MIB1: variants seen among roughly 807,000 people sequenced by gnomAD.
MIB1 encodes MIB E3 ubiquitin protein ligase 1.
A neutral mutation model predicts 124.5 loss-of-function variants in MIB1; 278 were observed. The ratio of observed to expected loss-of-function variants is 2.23; its 90% confidence interval spans 2.02 to 2.47. The LOEUF (loss-of-function observed/expected upper bound fraction) is 2.47. Ranked by LOEUF, MIB1 falls within the 30% of genes most tolerant of loss-of-function variation. The pLI, the probability that MIB1 is intolerant of heterozygous loss-of-function variation, is 0.00. For missense variants in MIB1, 957 were observed against 1,254.4 expected, an observed-to-expected ratio of 0.76 and a Z score of 3.58; for synonymous variants, 446 against 429.4, an observed-to-expected ratio of 1.04 and a Z score of -0.48.
chr18:21,739,934 A>C (rs865947782), upstream of MIB1, among the ~76,000 whole-genome samples: 4 of 150,528 alleles, frequency 2.7e-5, no homozygotes, highest in Middle Eastern at 0.01. Flanking sequence ...AAAAAAAAAA[A>C]CAACAACAAA....
Position 21,843,158 on chromosome 18 carries a change from G to A in MIB1, c.1990G>A (p.Val664Met). The A allele has an allele frequency of 1.2e-6, 2 of 1,603,458 alleles. No individual in the cohort carries two copies. The highest frequency in any genetic ancestry group is 1.7e-6 in the Non-Finnish European group (2 of 1,176,012). ...QGNANLDIQN[V>M]NQQTALHLAV... Reference sequence around the variant, plus strand: ...TAATGCAAACCTGGATATCCAGAATGTGAACCAACAAACTGCCCTACACCT... The same window carrying A: ...TAATGCAAACCTGGATATCCAGAATATGAACCAACAAACTGCCCTACACCT... Residue 664 changes from valine (V) to methionine (M), a missense_variant, in exon 14 of 21, where the codon GTG becomes ATG. Physicochemically the swap from Val to Met is conservative, Grantham distance 21. Coordinates refer to ENST00000261537, the MANE Select transcript of MIB1 (RefSeq NM_020774.4).
intron 15 of MIB1, among the ~76,000 whole-genome samples, chr18:21,846,029 CTA>C (rs1423599234): frequency 2.0e-5 from 3 of 152,266 alleles, no homozygotes; most frequent in African/African-American, 7.2e-5. Flanking sequence ...TTCTGTTGGT[CTA>C]TGTTTTTAGC....
rs778449428 is a variant in MIB1 at position 21,779,695 on chromosome 18, A to C, written c.908+10A>C. 6.2e-7 allele frequency: 1 copy of C among 1,604,090 alleles called. No individual in the cohort carries two copies. The highest frequency in any genetic ancestry group is 8.5e-7 in the Non-Finnish European group (1 of 1,171,106). ...ATCCAAGTGGCAATAGGTGGGTGAT[A>C]TCTCTCAATTTTTGACAATGACAAA... is the stretch of plus-strand genomic sequence containing the variant. On this transcript the variant is annotated intron_variant, in intron 6 of 20. Coordinates refer to ENST00000261537, the MANE Select transcript of MIB1 (RefSeq NM_020774.4).
intron 3 of MIB1, among the ~76,000 whole-genome samples, chr18:21,769,977 G>A (rs1317517381): frequency 2.6e-5 from 4 of 152,346 alleles, no homozygotes; most frequent in Admixed American, 2.6e-4. Context: ...GCTGAGGCGG[G>A]TGGATCATTT....
chr18:21,838,469 TAGAAGTG>T lies in MIB1; in HGVS notation c.1935_1941del (p.Glu646LeufsTer17). ...CATCTGGCTGCCCTTAATAATCACG[TAGAAGTG>T]GCTGAACTGTTGGTACATCAGGTAA... On this transcript the variant is annotated frameshift_variant, in exon 13 of 21. Coordinates refer to ENST00000261537, the MANE Select transcript of MIB1 (RefSeq NM_020774.4). LOFTEE classifies it high-confidence loss of function. The T allele has an allele frequency of 1.9e-6, 3 of 1,608,966 alleles. No individual in the cohort carries two copies. Among genetic ancestry groups the T allele is most frequent in the Non-Finnish European group, 2.5e-6 (3 of 1,177,916 alleles).
intron 1 of MIB1, among the ~76,000 whole-genome samples, chr18:21,751,775 G>GTC (rs1363439658): frequency 1.3e-5 from 2 of 151,638 alleles, no homozygotes; most frequent in Admixed American, 1.3e-4. Context: ...TTGCCACACT[G>GTC]TCTCTCTCAC....
At chr18:21,781,087 C>A (rs965107455) in intron 6 of MIB1, among the ~76,000 whole-genome samples, 1 of 151,624 alleles carries the variant, frequency 6.6e-6, no homozygotes, top group Non-Finnish European at 1.5e-5. Flanking sequence ...AAATTAAAAA[C>A]TTTTTTTATA....
chr18:21,775,732 CTA>C (rs1318312997), intron 4 of MIB1, among the ~76,000 whole-genome samples: 2 of 152,096 alleles, frequency 1.3e-5, no homozygotes, highest in Non-Finnish European at 2.9e-5. Flanking sequence ...AGCCTGTGTG[CTA>C]TATGTGCTCA....
chr18:21,733,770 A>AT (rs1347999907), intron 1 of MIB1, among the ~76,000 whole-genome samples: 6 of 151,652 alleles, frequency 4.0e-5, no homozygotes, highest in African/African-American at 1.5e-4. Context: ...CAATGGTGCA[A>AT]TCTCGGCTCA....
chr18:21,819,097 G>T (rs1172424869), intron 11 of MIB1, among the ~76,000 whole-genome samples: 1 of 152,194 alleles, frequency 6.6e-6, no homozygotes, highest in East Asian at 1.9e-4. Flanking sequence ...GAGTGCAGTG[G>T]CATGATCATA....
chr18:21,840,647 ATATATATATATATATATATTTTTT>A (rs1568222953), intron 13 of MIB1, among the ~76,000 whole-genome samples: 1 of 36,160 alleles, frequency 2.8e-5, no homozygotes. Context: ...ATATATATAT[ATATATATATATATATATATTTTTT>A]TTTTTTTTTA....
rs975054989 is a variant in MIB1 at position 21,870,348 on chromosome 18, C to T, written c.*5682C>T. 7.2e-5 allele frequency: 11 copies of T among 152,204 alleles called. No homozygotes were observed. Among genetic ancestry groups the T allele is most frequent in the African/African-American group, 2.4e-4 (10 of 41,538 alleles). The allele number at this position is 152,204 out of a possible 1,614,324, so 9.4% of individuals were successfully genotyped here. On this transcript the variant is annotated 3_prime_UTR_variant, in exon 21 of 21. Coordinates refer to ENST00000261537, the MANE Select transcript of MIB1 (RefSeq NM_020774.4). ...TACATCTTCAATTCAGCATAAGTGT[C>T]CACATCTAGAAGGCTCTCATTGCAG...
intron 13 of MIB1, among the ~76,000 whole-genome samples, chr18:21,841,647 T>C (rs2042090065): frequency 2.0e-5 from 3 of 152,084 alleles, no homozygotes; most frequent in Admixed American, 2.0e-4. Flanking sequence ...GCAGGCACTT[T>C]GAAAAACAAA....
chr18:21,784,443 C>T (rs1009452264), intron 6 of MIB1, among the ~76,000 whole-genome samples: 30 of 152,034 alleles, frequency 2.0e-4, no homozygotes, highest in African/African-American at 7.3e-4. Context: ...GGCAAGCCAC[C>T]TAGTTGCCAA....
chr18:21,813,166 G>A (rs1369761735), intron 10 of MIB1, among the ~76,000 whole-genome samples: 1 of 151,040 alleles, frequency 6.6e-6, no homozygotes, highest in African/African-American at 2.4e-5. Flanking sequence ...AGTGTTAGTG[G>A]CCTGATGTTC....
intron 11 of MIB1, among the ~76,000 whole-genome samples, chr18:21,816,495 A>G (rs2146475685): frequency 6.6e-6 from 1 of 152,350 alleles, no homozygotes; most frequent in East Asian, 1.9e-4. Flanking sequence ...GCCAACTTTT[A>G]GGTTCCTTAA....
intron 2 of MIB1, among the ~76,000 whole-genome samples, chr18:21,767,147 T>C (rs1398787189): frequency 1.3e-5 from 2 of 152,148 alleles, no homozygotes; most frequent in Non-Finnish European, 2.9e-5. Flanking sequence ...CATATATTAA[T>C]CCCTTTTCAT....
Position 21,741,535 on chromosome 18 carries a change from AGCGGCGGCGGCG to A in MIB1, c.-40_-29del, listed in dbSNP as rs755675508. ...ACTCCCTCACGGGCCCCCCGGCGGC[AGCGGCGGCGGCG>A]GCGGCGGCAGCGGCGGAGCCCACCG... On this transcript the variant is annotated 5_prime_UTR_variant, in exon 1 of 21. Transcript: ENST00000261537. This position sits in a 1 kb window ranked among gnomAD's most constrained non-coding sequence, Gnocchi z 5.4. 4 of 1,231,448 alleles carry A rather than the reference AGCGGCGGCGGCG, an allele frequency of 3.2e-6. No individual in the cohort carries two copies. The highest frequency in any genetic ancestry group is 3.7e-5 in the East Asian group (1 of 27,264). The allele number at this position is 1,231,448 out of a possible 1,614,324, so 76.3% of individuals were successfully genotyped here.
chr18:21,768,295 C>T (rs904710685), intron 2 of MIB1, among the ~76,000 whole-genome samples: 1 of 152,184 alleles, frequency 6.6e-6, no homozygotes, highest in Admixed American at 6.5e-5. Context: ...CTTTGAGACT[C>T]AGTTTCCTCA....
Sources: allele counts gnomAD v4.1 joint callset (sites outside exome capture counted in the v4.1 genomes callset), GRCh38; gene constraint gnomAD v4.1.1; non-coding constraint Gnocchi (gnomAD v3.1); transcripts MANE v1.5; gene names NCBI Gene and HGNC (gene_info 2026-07-23, HGNC 2026-07-21).